The following REXO2 variants were observed in gnomAD, a reference collection of about 807,000 sequenced individuals.
REXO2 encodes oligoribonuclease, mitochondrial.
REXO2 carries 17 observed loss-of-function variants against 30.9 expected under a neutral mutation model. The observed-to-expected ratio is 0.55, with a 90% CI of 0.38 to 0.82. The LOEUF (loss-of-function observed/expected upper bound fraction) is 0.82, where lower values mean the gene tolerates loss of function less well. Among genes scored for constraint, REXO2 ranks in the 40% least tolerant of loss-of-function variants. The pLI is 0.00. For missense variants in REXO2, 253 were observed against 293.2 expected (o/e 0.86, Z 1.00); for synonymous variants, 105 against 99.6 (o/e 1.05, Z -0.32).
chr11:114,441,949 TGAAGA>T, intron 2 of REXO2: 1 of 577,552 alleles, frequency 1.7e-6, no homozygotes, highest in Non-Finnish European at 3.1e-6. Flanking sequence ...AGATCAATAG[TGAAGA>T]GAAGTGTCTT....
At position 114,447,839 on chromosome 11, in the gene REXO2, G is replaced by C. The variant is rs1363109931; in HGVS notation, c.544G>C (p.Glu182Gln). ...TGCTGTGTATAGACGCTGGTATCCAGAAGAATATGAATTTGCACCAAAGAA... is the reference window on the plus strand; with the variant it reads ...TGCTGTGTATAGACGCTGGTATCCACAAGAATATGAATTTGCACCAAAGAA... ...VKELCRRWYP[E>Q]EYEFAPKKAA... The change falls in exon 6 of 7, where the codon GAA becomes CAA. Residue 182 changes from glutamate to glutamine, a missense_variant. Transcript: ENST00000265881. The C allele has an allele frequency of 1.2e-6, 2 of 1,613,702 alleles. No homozygotes were observed. The highest frequency in any genetic ancestry group is 1.7e-4 in the Middle Eastern group (1 of 6,060).
intron 2 of REXO2, among the ~76,000 whole-genome samples, chr11:114,442,635 CAG>C (rs1249888440): frequency 6.6e-6 from 1 of 152,274 alleles, no homozygotes; most frequent in East Asian, 1.9e-4. Flanking sequence ...ACTTTTCTAT[CAG>C]AGAGTTCAAA....
intron 6 of REXO2, among the ~76,000 whole-genome samples, 182 bp downstream of exon 6, chr11:114,448,061 GA>G (rs1351185376): frequency 6.6e-6 from 1 of 152,126 alleles, no homozygotes; most frequent in Non-Finnish European, 1.5e-5. Flanking sequence ...GTTCCATTCT[GA>G]GAGGGTTATA....
intron 1 of REXO2, 138 bp downstream of exon 1, chr11:114,439,813 G>A: frequency 9.4e-7 from 1 of 1,060,872 alleles, no homozygotes; most frequent in Non-Finnish European, 1.3e-6. Flanking sequence ...CACGGGCGGT[G>A]CAGGGCAAGT....
chr11:114,447,008 C>G (rs932038477), intron 5 of REXO2, among the ~76,000 whole-genome samples: 5 of 150,018 alleles, frequency 3.3e-5, no homozygotes, highest in South Asian at 2.1e-4. Flanking sequence ...GCGCGATCTC[C>G]GCTCACTGCA....
intron 1 of REXO2, chr11:114,439,895 C>G (rs906737808): frequency 3.4e-6 from 2 of 590,726 alleles, no homozygotes; most frequent in African/African-American, 3.8e-5. Flanking sequence ...AGGGAGGAGT[C>G]CTCCGTGTGG....
chr11:114,449,430 A>G (rs1269168242), intron 6 of REXO2, among the ~76,000 whole-genome samples: 1 of 93,484 alleles, frequency 1.1e-5, no homozygotes, highest in Admixed American at 9.7e-5. Flanking sequence ...TATTAATTTT[A>G]GAAAATTAAT....
intron 2 of REXO2, among the ~76,000 whole-genome samples, chr11:114,441,331 A>G (rs1485303182): frequency 6.6e-6 from 1 of 152,236 alleles, no homozygotes; most frequent in Non-Finnish European, 1.5e-5. Flanking sequence ...CTTTTCAACT[A>G]GGACATGTGA....
chr11:114,449,817 T>C (rs761716845), intron 6 of REXO2, 29 bp from the exon 7 acceptor site: 6 of 1,593,842 alleles, frequency 3.8e-6, no homozygotes, highest in Non-Finnish European at 5.1e-6. Flanking sequence ...TTTTGGACAG[T>C]TCATTCATTG....
chr11:114,440,518 G>A, intron 1 of REXO2, 138 bp from the exon 2 acceptor site: 1 of 644,098 alleles, frequency 1.6e-6, no homozygotes, highest in South Asian at 1.9e-5. Flanking sequence ...GTAGTTGCCC[G>A]AGGAGCATTC....
chr11:114,448,879 A>G (rs755757314), intron 6 of REXO2: 2 of 152,250 alleles, frequency 1.3e-5, no homozygotes, highest in Non-Finnish European at 1.5e-5. Flanking sequence ...TTTTGTGGAT[A>G]AGATATTGTG....
rs1177285262 is a variant in REXO2 at position 114,450,123 on chromosome 11, T to C, written c.*148T>C. The C allele has an allele frequency of 1.4e-6, 1 of 708,424 alleles. No individual in the cohort carries two copies. The highest frequency in any genetic ancestry group is 2.2e-6 in the Non-Finnish European group (1 of 447,596). The allele number at this position is 708,424 out of a possible 1,614,324, so 43.9% of individuals were successfully genotyped here. On this transcript the variant is annotated 3_prime_UTR_variant, in exon 7 of 7. Transcript: ENST00000265881. ...AGCAGACAGCACACGAAATACTATTTTTCTCCTAATATGCTGTTTCCATTA... is the reference window on the plus strand; with the variant it reads ...AGCAGACAGCACACGAAATACTATTCTTCTCCTAATATGCTGTTTCCATTA...
At position 114,449,895 on chromosome 11, in the gene REXO2, A is replaced by G; in HGVS notation, c.634A>G (p.Asn212Asp). ...ESIKELQFYR[N>D]NIFKKKIDEK... ...CATCAAAGAGCTTCAGTTTTACCGAAATAACATCTTCAAGAAAAAAATAGA... is the reference window on the plus strand; with the variant it reads ...CATCAAAGAGCTTCAGTTTTACCGAGATAACATCTTCAAGAAAAAAATAGA... Residue 212 changes from asparagine to aspartate, a missense_variant, in exon 7 of 7, where the codon AAT (asparagine) becomes GAT (aspartate). Coordinates refer to ENST00000265881, the MANE Select transcript of REXO2 (RefSeq NM_015523.4). 6.2e-7 allele frequency: 1 copy of G among 1,609,598 alleles called. No homozygotes were observed. The highest frequency in any genetic ancestry group is 8.5e-7 in the Non-Finnish European group (1 of 1,178,024).
rs539790408 is a variant in REXO2, at chr11:114,448,669, T to TTA, written c.584+790_584+791insTA. On this transcript the variant is annotated intron_variant, in intron 6 of 6. Coordinates refer to ENST00000265881, the MANE Select transcript of REXO2 (RefSeq NM_015523.4). Reference sequence around the variant, plus strand: ...GTGTTACTACATCTGTATTGTTTATTATCTTGTAGCATCCCTAACAAGGTT... The same window carrying TTA: ...GTGTTACTACATCTGTATTGTTTATTTAATCTTGTAGCATCCCTAACAAGGTT... Among the ~76,000 whole-genome samples, 59 of 152,364 alleles carry TTA rather than the reference T, an allele frequency of 3.9e-4. No homozygotes were observed. The East Asian group carries it at 0.011, about 29-fold the overall frequency.
chr11:114,443,831 G>T, intron 2 of REXO2, 25 bp from the exon 3 acceptor site: 2 of 1,567,608 alleles, frequency 1.3e-6, no homozygotes, highest in South Asian at 2.3e-5. Context: ...GTTTCTTGGT[G>T]ACTGATGGCG....
At chr11:114,447,802 G>C (rs1429758069) in intron 5 of REXO2, 24 bp from the exon 6 acceptor site, 20 of 1,599,444 alleles carry the variant, frequency 1.3e-5, no homozygotes, top group Non-Finnish European at 1.5e-5. Context: ...CTTCCTTTGA[G>C]AGTTCCATTT....
chr11:114,444,743 T>C (rs1946502070), intron 4 of REXO2, 91 bp downstream of exon 4: 2 of 689,578 alleles, frequency 2.9e-6, no homozygotes, highest in African/African-American at 1.9e-5. Context: ...AGCCCATCCA[T>C]GTCTTCCACT....
chr11:114,439,771 G>C, intron 1 of REXO2, 96 bp downstream of exon 1: 1 of 1,386,594 alleles, frequency 7.2e-7, no homozygotes, highest in South Asian at 1.5e-5. Context: ...TGGGGGTCTG[G>C]GTCTCAGGTG....
chr11:114,441,946 T>C (rs986040287), intron 2 of REXO2: 3 of 584,996 alleles, frequency 5.1e-6, no homozygotes, highest in Non-Finnish European at 9.1e-6. Flanking sequence ...TGGAGATCAA[T>C]AGTGAAGAGA....
Sources: allele counts gnomAD v4.1 joint callset (sites outside exome capture counted in the v4.1 genomes callset), GRCh38; gene constraint gnomAD v4.1.1; transcripts MANE v1.5; gene names NCBI Gene and HGNC (gene_info 2026-07-23, HGNC 2026-07-21).